COL26A1: variants seen among roughly 807,000 people sequenced by gnomAD.
COL26A1 encodes collagen type XXVI alpha 1 chain.
A neutral mutation model predicts 59.3 loss-of-function variants in COL26A1; 41 were observed. That is an observed-to-expected ratio of 0.69 (90% CI 0.54 to 0.90). The LOEUF is 0.90. Among genes scored for constraint, COL26A1 ranks in the 40% least tolerant of loss-of-function variants. COL26A1 has a pLI of 0.00. For missense variants in COL26A1, 612 were observed against 602.3 expected, an observed-to-expected ratio of 1.02 and a Z score of -0.17; for synonymous variants, 266 against 256.0, an observed-to-expected ratio of 1.04 and a Z score of -0.37.
At chr7:101,384,242 T>TTTG (rs1307476951) in intron 1 of COL26A1, among the ~76,000 whole-genome samples, 4 of 147,708 alleles carry the variant, frequency 2.7e-5, no homozygotes, top group African/African-American at 1.0e-4. Context: ...TTTTTTTTTT[T>TTTG]TTTTTTTTTT....
rs1274752006 is a variant in COL26A1, at chr7:101,545,397, C to G, written c.763C>G (p.Pro255Ala). The change falls in exon 7 of 13, where the codon CCA becomes GCA. Residue 255 changes from proline to alanine, a missense_variant. Pro to Ala is a conservative substitution (Grantham distance 27). Transcript: ENST00000313669. ...TGGAGAGATGGGGCGCCCCGGCCCC[C>G]CAGGACCACCCGGCCCAGCAGGCAA... ...LPGEMGRPGP[P>A]GPPGPAGNPG... is the part of the protein sequence containing the mutation. 2 of 1,604,224 alleles carry G rather than the reference C, an allele frequency of 1.2e-6. No homozygotes were observed. The highest frequency in any genetic ancestry group is 2.3e-5 in the East Asian group (1 of 44,210).
chr7:101,483,674 A>AC (rs1350195849), intron 3 of COL26A1, among the ~76,000 whole-genome samples: 1 of 104,850 alleles, frequency 9.5e-6, no homozygotes, highest in Non-Finnish European at 1.9e-5. Context: ...TGTCCAGCTA[A>AC]CTTTGTTTTT....
Position 101,539,814 on chromosome 7 carries a change from A to C in COL26A1, c.448-79A>C, listed in dbSNP as rs1463201281. ...CAGCTGCAGGTCTCATGGGGTGCAC[A>C]TGCATGTCCCTGTGTGTCACGCATG... is the stretch of plus-strand genomic sequence containing the variant. On this transcript the variant is annotated intron_variant, in intron 4 of 12. Transcript: ENST00000313669. The C allele has an allele frequency of 2.8e-6, 4 of 1,426,512 alleles. No homozygotes were observed. In the African/African-American group the frequency reaches 4.3e-5, roughly 15 times the overall value. The allele number at this position is 1,426,512 out of a possible 1,614,324, so 88.4% of individuals were successfully genotyped here.
chr7:101,456,577 T>C (rs1179144535), intron 3 of COL26A1, among the ~76,000 whole-genome samples: 1 of 152,030 alleles, frequency 6.6e-6, no homozygotes, highest in Non-Finnish European at 1.5e-5. Context: ...GGCAGGGGAA[T>C]CGCTTGAACT....
chr7:101,558,998 A>T lies in COL26A1; in HGVS notation c.*1468A>T, dbSNP rs1035252949. ...CACCAGCCTGTAGCGTTATTATTAT[A>T]TGTGACAATAAAGGTGCTCTCCCCA... On this transcript the variant is annotated 3_prime_UTR_variant, in exon 13 of 13. Coordinates refer to ENST00000313669, the MANE Select transcript of COL26A1 (RefSeq NM_001278563.3). 9.9e-5 allele frequency: 15 copies of T among 152,180 alleles called. No homozygotes were observed. The highest frequency in any genetic ancestry group is 3.6e-4 in the African/African-American group (15 of 41,420). 9.4% of individuals were successfully genotyped at this position (152,180 alleles called of 1,614,324 possible).
chr7:101,420,301 C>A (rs1296350514), intron 2 of COL26A1, among the ~76,000 whole-genome samples: 1 of 151,976 alleles, frequency 6.6e-6, no homozygotes, highest in Non-Finnish European at 1.5e-5. Context: ...CAGAGACATG[C>A]TCCTACCGCA....
intron 1 of COL26A1, among the ~76,000 whole-genome samples, chr7:101,363,584 T>C (rs71559410): frequency 0.68 from 73,771 of 108,848 alleles, 22,427 homozygotes; most frequent in African/African-American, 0.82. Flanking sequence ...GAACGAGCGA[T>C]GGAGGAGGCT....
intron 1 of COL26A1, among the ~76,000 whole-genome samples, chr7:101,419,099 C>T (rs1339833969): frequency 4.7e-5 from 6 of 127,998 alleles, no homozygotes. Context: ...CCCTCCCCTC[C>T]CCTCCCCTCC....
intron 1 of COL26A1, among the ~76,000 whole-genome samples, chr7:101,363,858 A>T (rs1467038340): frequency 6.6e-6 from 1 of 152,008 alleles, no homozygotes; most frequent in Admixed American, 6.5e-5. Flanking sequence ...GTCGCGGAGC[A>T]GGTTCTCGGG....
intron 3 of COL26A1, among the ~76,000 whole-genome samples, chr7:101,469,650 C>G (rs1793847773): frequency 6.6e-6 from 1 of 152,126 alleles, no homozygotes; most frequent in African/African-American, 2.4e-5. Flanking sequence ...CCACCATACT[C>G]AGCTAATTTT....
chr7:101,523,760 A>G (rs1795184729), intron 3 of COL26A1, among the ~76,000 whole-genome samples: 1 of 152,104 alleles, frequency 6.6e-6, no homozygotes, highest in Non-Finnish European at 1.5e-5. Context: ...ATAGTTTTGT[A>G]ACAAGGTCTC....
In COL26A1 at chr7:101,551,010, G is replaced by A. The variant is rs866840570; in HGVS notation, c.994-98G>A. ...TCCTCCTCTCCCTTCCTCTTCTGCAGACTCAGAGCACAGTGGGCGGGGAGG... is the reference window on the plus strand; with the variant it reads ...TCCTCCTCTCCCTTCCTCTTCTGCAAACTCAGAGCACAGTGGGCGGGGAGG... On this transcript the variant is annotated intron_variant, in intron 9 of 12. Coordinates refer to ENST00000313669, the MANE Select transcript of COL26A1 (RefSeq NM_001278563.3). The A allele has an allele frequency of 1.4e-5, 19 of 1,347,472 alleles. No homozygotes were observed. The Middle Eastern group carries it at 1.1e-3, about 76-fold the overall frequency. The allele number at this position is 1,347,472 out of a possible 1,614,324, so 83.5% of individuals were successfully genotyped here.
chr7:101,460,316 G>A (rs1336891839), intron 3 of COL26A1, among the ~76,000 whole-genome samples: 1 of 152,144 alleles, frequency 6.6e-6, no homozygotes, highest in Non-Finnish European at 1.5e-5. Flanking sequence ...AGATTCACAG[G>A]AGGTAGAGAT....
In COL26A1 at chr7:101,512,996, T is replaced by TTTATTATTA. The variant is rs60374143; in HGVS notation, c.386-20068_386-20060dup. Among the ~76,000 whole-genome samples, 1,059 of 149,594 alleles carry TTTATTATTA rather than the reference T, an allele frequency of 7.1e-3. 3 individuals are homozygous for TTTATTATTA. Among genetic ancestry groups the TTTATTATTA allele is most frequent in the African/African-American group, 9.6e-3 (389 of 40,624 alleles). ...CATTAAAAGCCTCCCTTTTTACAAT[T>TTTATTATTA]TTATTATTATTATTATTATTATTAT... is the stretch of plus-strand genomic sequence containing the variant. On this transcript the variant is annotated intron_variant, in intron 3 of 12. Transcript: ENST00000313669.
At chr7:101,367,493 C>T (rs539327790) in intron 1 of COL26A1, among the ~76,000 whole-genome samples, 122 of 151,640 alleles carry the variant, frequency 8.0e-4, no homozygotes, top group African/African-American at 2.8e-3. Context: ...GGTGAAAACC[C>T]GTGTCTACTA....
Position 101,557,612 on chromosome 7 carries a change from C to A in COL26A1, c.*82C>A. 2 of 1,396,962 alleles carry A rather than the reference C, an allele frequency of 1.4e-6. No individual in the cohort carries two copies. Among genetic ancestry groups the A allele is most frequent in the Admixed American group, 2.2e-5 (1 of 45,396 alleles). 86.5% of individuals were successfully genotyped at this position (1,396,962 alleles called of 1,614,324 possible). On this transcript the variant is annotated 3_prime_UTR_variant, in exon 13 of 13. Coordinates refer to ENST00000313669, the MANE Select transcript of COL26A1 (RefSeq NM_001278563.3). ...AGCCGCCGCTGTTTCCTAAAGATGC[C>A]CCCAGGGGAACTGGGCTCCAGGCAT...
chr7:101,438,756 C>T (rs544263872), intron 2 of COL26A1, among the ~76,000 whole-genome samples: 13 of 151,574 alleles, frequency 8.6e-5, no homozygotes, highest in East Asian at 3.9e-4. Context: ...CTGTAACTTC[C>T]GCCTCTCGGG....
At chr7:101,509,380 G>T (rs189286423) in intron 3 of COL26A1, among the ~76,000 whole-genome samples, 19 of 152,088 alleles carry the variant, frequency 1.2e-4, no homozygotes, top group Admixed American at 3.3e-4. Context: ...TGGGAGGCGG[G>T]GGTTGCAGTA....
chr7:101,377,987 C>T (rs1330848301), intron 1 of COL26A1, among the ~76,000 whole-genome samples: 1 of 152,154 alleles, frequency 6.6e-6, no homozygotes, highest in Non-Finnish European at 1.5e-5. Flanking sequence ...GTCACTGCAG[C>T]CTCCACCTCT....
Sources: allele counts gnomAD v4.1 joint callset (sites outside exome capture counted in the v4.1 genomes callset), GRCh38; gene constraint gnomAD v4.1.1; transcripts MANE v1.5; gene names NCBI Gene and HGNC (gene_info 2026-07-23, HGNC 2026-07-21).